RBFOX1: variants seen among roughly 807,000 people sequenced by gnomAD.
The protein encoded by RBFOX1 is RNA binding protein fox-1 homolog 1.
A neutral mutation model predicts 57.7 loss-of-function variants in RBFOX1; 8 were observed. The ratio of observed to expected loss-of-function variants is 0.14; its 90% CI spans 0.08 to 0.25. RBFOX1 has a LOEUF of 0.25. Ranked by LOEUF, RBFOX1 falls within the 10% of genes least tolerant of loss-of-function variation. The probability of loss-of-function intolerance (pLI) is 1.00; values close to 1 mark genes in which losing one functional copy is unlikely to be tolerated. For synonymous variants in RBFOX1, 326 were observed against 222.4 expected, an observed-to-expected ratio of 1.47 and a Z score of -4.15; for missense variants, 611 against 548.5, an observed-to-expected ratio of 1.11 and a Z score of -1.14.
intron 3 of RBFOX1, among the ~76,000 whole-genome samples, chr16:6,739,370 T>C (rs535321749): frequency 8.0e-4 from 121 of 152,088 alleles, no homozygotes; most frequent in Non-Finnish European, 1.5e-3. Flanking sequence ...TTTGAGAGCT[T>C]AAACCAATTC....
chr16:6,653,460 T>C (rs1323180789), intron 2 of RBFOX1, among the ~76,000 whole-genome samples: 3 of 152,150 alleles, frequency 2.0e-5, no homozygotes, highest in African/African-American at 7.2e-5. Flanking sequence ...AATGCCACTA[T>C]TGCTTGTGGG....
At chr16:6,712,378 G>C (rs371339661) in intron 3 of RBFOX1, among the ~76,000 whole-genome samples, 2 of 152,130 alleles carry the variant, frequency 1.3e-5, no homozygotes, top group Admixed American at 1.3e-4. Flanking sequence ...TGTCCTGGGC[G>C]TGAACTAGAT....
In RBFOX1 at chr16:6,767,868, C is replaced by A. The variant is rs143111813; in HGVS notation, c.-16+113218C>A. On this transcript the variant is annotated intron_variant, in intron 3 of 15. Transcript: ENST00000550418. Reference sequence around the variant, plus strand: ...GGTGGAGGTTGCAGTGAGCCGAGATCGCGCCATTGCACTCCAGCCTGGGCA... The same window carrying A: ...GGTGGAGGTTGCAGTGAGCCGAGATAGCGCCATTGCACTCCAGCCTGGGCA... Among the ~76,000 whole-genome samples, 412 of 150,136 alleles carry A rather than the reference C, an allele frequency of 2.7e-3. 3 individuals carry two copies. Among genetic ancestry groups the A allele is most frequent in the Non-Finnish European group, 3.8e-3 (260 of 67,668 alleles).
chr16:6,682,266 C>T (rs1193965949), intron 3 of RBFOX1, among the ~76,000 whole-genome samples: 1 of 152,214 alleles, frequency 6.6e-6, no homozygotes, highest in Non-Finnish European at 1.5e-5. Flanking sequence ...ATAGGAAGCA[C>T]ACAGCCCTGC....
At chr16:6,047,611 A>G (rs1324510607) in intron 1 of RBFOX1, among the ~76,000 whole-genome samples, 1 of 152,300 alleles carries the variant, frequency 6.6e-6, no homozygotes, top group South Asian at 2.1e-4. Context: ...GTGAGGGATG[A>G]CTTGCTCACA....
At chr16:7,135,163 CCT>C (rs751776969) in intron 4 of RBFOX1, among the ~76,000 whole-genome samples, 27 of 151,952 alleles carry the variant, frequency 1.8e-4, no homozygotes, top group Non-Finnish European at 3.1e-4. Context: ...TGTTTATTTC[CCT>C]GTTACATTGT....
chr16:6,720,742 C>A (rs528710289), intron 3 of RBFOX1, among the ~76,000 whole-genome samples: 17 of 152,294 alleles, frequency 1.1e-4, no homozygotes, highest in African/African-American at 3.6e-4. Context: ...GAAACATGAG[C>A]TTCATTTCTG....
rs113317760 is a variant in RBFOX1, at chr16:6,916,104, C to T, written c.-15-135953C>T. Among the ~76,000 whole-genome samples, 360 of 152,198 alleles carry T rather than the reference C, an allele frequency of 2.4e-3. 4 individuals carry two copies. Among genetic ancestry groups the T allele is most frequent in the African/African-American group, 8.3e-3 (346 of 41,524 alleles). On this transcript the variant is annotated intron_variant, in intron 3 of 15. Transcript: ENST00000550418. ...ATATACCTTAGGGAAAGGGCATAAG[C>T]GCTGTGTACAAGACAACTGAAGGCA...
chr16:5,606,428 C>A (rs147454388), intron 3 of RBFOX1, among the ~76,000 whole-genome samples: 3 of 152,140 alleles, frequency 2.0e-5, no homozygotes, highest in African/African-American at 7.2e-5. Context: ...GCTCTCCAAC[C>A]ACAAAATGCC....
Position 6,252,869 on chromosome 16 carries a change from GC to G in RBFOX1, c.-126-64123del, listed in dbSNP as rs1296541690. Among the ~76,000 whole-genome samples, 103 of 152,292 alleles carry G rather than the reference GC, an allele frequency of 6.8e-4. 1 individual carries two copies. The highest frequency in any genetic ancestry group is 6.7e-3 in the Admixed American group (103 of 15,290). ...GGTGTGAATGGATCGTGTAGGCACA[GC>G]CCATCTAGATGGCTAATAATAGAAG... On this transcript the variant is annotated intron_variant, in intron 1 of 15. Coordinates refer to ENST00000550418, the MANE Select transcript of RBFOX1 (RefSeq NM_018723.4).
At chr16:5,295,053 T>C (rs1347944080) in intron 1 of RBFOX1, among the ~76,000 whole-genome samples, 1 of 138,392 alleles carries the variant, frequency 7.2e-6, no homozygotes, top group Non-Finnish European at 1.6e-5. Context: ...AAGACAGAGT[T>C]GGTCCTTCCT....
At chr16:7,210,375 G>C (rs1005511729) in intron 4 of RBFOX1, among the ~76,000 whole-genome samples, 1 of 152,058 alleles carries the variant, frequency 6.6e-6, no homozygotes, top group African/African-American at 2.4e-5. Flanking sequence ...GGATCACATG[G>C]ACCACGGTGT....
intron 3 of RBFOX1, among the ~76,000 whole-genome samples, chr16:5,699,305 A>C (rs1009316375): frequency 7.2e-5 from 11 of 151,742 alleles, no homozygotes; most frequent in Admixed American, 2.6e-4. Context: ...AGTAAATTGA[A>C]GTATTTACAT....
chr16:6,636,571 T>A (rs1026760425), intron 2 of RBFOX1, among the ~76,000 whole-genome samples: 2 of 151,796 alleles, frequency 1.3e-5, no homozygotes, highest in Non-Finnish European at 2.9e-5. Flanking sequence ...GATTTCTCTT[T>A]TATTTGGTTT....
At chr16:7,644,559 G>A (rs557014688) in intron 11 of RBFOX1, among the ~76,000 whole-genome samples, 138 of 152,264 alleles carry the variant, frequency 9.1e-4, no homozygotes, top group Non-Finnish European at 1.6e-3. Context: ...CCCGTTTGAG[G>A]ATTGCCACCC....
chr16:7,038,225 A>C (rs1457647975), intron 3 of RBFOX1, among the ~76,000 whole-genome samples: 1 of 152,088 alleles, frequency 6.6e-6, no homozygotes, highest in African/African-American at 2.4e-5. Context: ...AAGCATGCCA[A>C]GCCCTTTTAG....
intron 3 of RBFOX1, among the ~76,000 whole-genome samples, chr16:6,786,065 G>C (rs1263367817): frequency 6.6e-6 from 1 of 152,292 alleles, no homozygotes; most frequent in East Asian, 1.9e-4. Flanking sequence ...GGATGTACCT[G>C]GGGCAGAAGC....
At chr16:6,896,429 T>G (rs1447423996) in intron 3 of RBFOX1, among the ~76,000 whole-genome samples, 2 of 152,196 alleles carry the variant, frequency 1.3e-5, no homozygotes, top group African/African-American at 4.8e-5. Context: ...TTTCCCCTCT[T>G]TCAGCCCTGG....
At chr16:6,752,308 C>T (rs1204001424) in intron 3 of RBFOX1, among the ~76,000 whole-genome samples, 3 of 152,124 alleles carry the variant, frequency 2.0e-5, no homozygotes, top group Non-Finnish European at 4.4e-5. Flanking sequence ...TCCAGACCTC[C>T]AATAACTTTG....
Sources: gnomAD v4.1 joint callset for allele counts (sites outside exome capture counted in the v4.1 genomes callset) on GRCh38, gnomAD v4.1.1 for gene constraint, MANE v1.5 for transcripts, NCBI Gene and HGNC (gene_info 2026-07-23, HGNC 2026-07-21) for gene names.